The following MAGI1 variants were observed in gnomAD, a reference collection of about 807,000 sequenced individuals.
The protein encoded by MAGI1 is membrane-associated guanylate kinase, WW and PDZ domain-containing protein 1.
In MAGI1, 58 loss-of-function variants were observed where a neutral mutation model predicts 139.9. The observed-to-expected ratio is 0.41, with a 90% CI of 0.34 to 0.52. The LOEUF is 0.52. Among genes scored for constraint, MAGI1 ranks in the 20% least tolerant of loss-of-function variants. The probability of loss-of-function intolerance (pLI) is 0.12; values close to 1 mark genes in which losing one functional copy is unlikely to be tolerated. For synonymous variants in MAGI1, 812 were observed against 737.9 expected, an observed-to-expected ratio of 1.10 and a Z score of -1.63; for missense variants, 1,874 against 1,901.6, an observed-to-expected ratio of 0.99 and a Z score of 0.27.
chr3:65,563,399 C>T (rs2080461338), intron 2 of MAGI1, among the ~76,000 whole-genome samples: 1 of 152,098 alleles, frequency 6.6e-6, no homozygotes, highest in Non-Finnish European at 1.5e-5. Context: ...AGTTAGTCTC[C>T]CTCCCACATG....
At chr3:65,550,574 G>A (rs142523711) in intron 2 of MAGI1, among the ~76,000 whole-genome samples, 68 of 152,254 alleles carry the variant, frequency 4.5e-4, no homozygotes, top group Non-Finnish European at 8.7e-4. Flanking sequence ...TTAGTTTCAG[G>A]TGGACCACAG....
chr3:65,915,062 A>C (rs1048377942), intron 1 of MAGI1, among the ~76,000 whole-genome samples: 1 of 152,226 alleles, frequency 6.6e-6, no homozygotes, highest in Non-Finnish European at 1.5e-5. Context: ...CAACTCATTC[A>C]AGGACAAAGT....
chr3:65,840,248 T>C (rs1386226238), intron 1 of MAGI1, among the ~76,000 whole-genome samples: 2 of 152,262 alleles, frequency 1.3e-5, no homozygotes, highest in Middle Eastern at 3.4e-3. Flanking sequence ...GTATGTTTTT[T>C]ATTTCCTTGT....
At position 65,356,273 on chromosome 3, in the gene MAGI1, T is replaced by C. The variant is rs1439817227; in HGVS notation, c.*105A>G. 1.7e-5 allele frequency: 19 copies of C among 1,089,678 alleles called. No homozygotes were observed. The highest frequency in any genetic ancestry group is 2.0e-5 in the Non-Finnish European group (16 of 781,546). 67.5% of individuals were successfully genotyped at this position (1,089,678 alleles called of 1,614,324 possible). On this transcript the variant is annotated 3_prime_UTR_variant, in exon 23 of 23. Coordinates refer to ENST00000402939, the MANE Select transcript of MAGI1 (RefSeq NM_001033057.2). ...ATGTTTGTTGTTATTCATAGGATCATCAGGTGTCAGATGCTTCATTAGGTA... is the reference window on the plus strand; with the variant it reads ...ATGTTTGTTGTTATTCATAGGATCACCAGGTGTCAGATGCTTCATTAGGTA...
chr3:65,693,777 G>A (rs892113860), intron 1 of MAGI1, among the ~76,000 whole-genome samples: 4 of 152,104 alleles, frequency 2.6e-5, no homozygotes, highest in African/African-American at 9.7e-5. Context: ...AGGCTGGAGT[G>A]CAGTGGCACG....
chr3:65,365,564 T>C (rs1392645455), intron 18 of MAGI1, among the ~76,000 whole-genome samples: 1 of 152,222 alleles, frequency 6.6e-6, no homozygotes, highest in Non-Finnish European at 1.5e-5. Context: ...ATATGTTCTT[T>C]ACTAATAATT....
chr3:65,700,441 C>T (rs2089516078), intron 1 of MAGI1, among the ~76,000 whole-genome samples: 1 of 151,214 alleles, frequency 6.6e-6, no homozygotes, highest in Non-Finnish European at 1.5e-5. Flanking sequence ...CAGAGCGAGA[C>T]TCCATCTCAA....
At chr3:65,737,784 T>C (rs1204165199) in intron 1 of MAGI1, among the ~76,000 whole-genome samples, 3 of 152,108 alleles carry the variant, frequency 2.0e-5, no homozygotes, top group African/African-American at 7.2e-5. Context: ...TTTATCAACA[T>C]TACTCTACCC....
In MAGI1 at chr3:65,782,409, G is replaced by A. The variant is rs79593208; in HGVS notation, c.314-160321C>T. On this transcript the variant is annotated intron_variant, in intron 1 of 22. Coordinates refer to ENST00000402939, the MANE Select transcript of MAGI1 (RefSeq NM_001033057.2). ...AGCCTTAGGAAGGGAACACAGCCCT[G>A]TGACAACTTGGTTTTAGCCCAGCAT... 5.3e-4 allele frequency among the ~76,000 whole-genome samples: 81 copies of A among 152,188 alleles called. 1 individual carries two copies. The East Asian group carries it at 0.012, about 22-fold the overall frequency.
At chr3:65,819,027 T>G (rs2041782243) in intron 1 of MAGI1, among the ~76,000 whole-genome samples, 1 of 135,640 alleles carries the variant, frequency 7.4e-6, no homozygotes, top group African/African-American at 3.0e-5. Flanking sequence ...GGCTCATGCT[T>G]TGTAATCCCA....
chr3:65,440,909 T>TATATACACACACACAC (rs1948274013), intron 8 of MAGI1, among the ~76,000 whole-genome samples: 1 of 150,118 alleles, frequency 6.7e-6, no homozygotes, highest in Non-Finnish European at 1.5e-5. Context: ...TGTGTGTATA[T>TATATACACACACACAC]ATATATACAC....
intron 1 of MAGI1, among the ~76,000 whole-genome samples, chr3:65,724,163 GTGTT>G (rs2033360874): frequency 6.6e-6 from 1 of 152,210 alleles, no homozygotes; most frequent in Non-Finnish European, 1.5e-5. Flanking sequence ...AAAAGCACAT[GTGTT>G]TGTTTGTATA....
chr3:65,996,525 A>G (rs899764422), intron 1 of MAGI1, among the ~76,000 whole-genome samples: 20 of 128,956 alleles, frequency 1.6e-4, no homozygotes, highest in African/African-American at 5.5e-4. Flanking sequence ...AGTGATAACT[A>G]TAAATGAAAA....
intron 1 of MAGI1, among the ~76,000 whole-genome samples, chr3:65,805,941 G>C (rs1247960879): frequency 1.3e-5 from 2 of 152,086 alleles, no homozygotes; most frequent in Non-Finnish European, 2.9e-5. Flanking sequence ...CTGTCAGGTG[G>C]GGGACAGGGG....
At chr3:65,907,235 G>A (rs1260135209) in intron 1 of MAGI1, among the ~76,000 whole-genome samples, 3 of 152,176 alleles carry the variant, frequency 2.0e-5, no homozygotes, top group African/African-American at 7.2e-5. Context: ...ATGATGCATA[G>A]TATTATTGAA....
chr3:65,946,992 T>C (rs2063573626), intron 1 of MAGI1, among the ~76,000 whole-genome samples: 1 of 152,202 alleles, frequency 6.6e-6, no homozygotes, highest in African/African-American at 2.4e-5. Context: ...CCTCAGTATT[T>C]TATATGAATT....
intron 10 of MAGI1, 105 bp from the exon 11 acceptor site, chr3:65,430,986 G>C (rs1947410398): frequency 9.6e-7 from 1 of 1,039,812 alleles, no homozygotes; most frequent in Non-Finnish European, 1.4e-6. Flanking sequence ...TTATGCCCTA[G>C]AGCCTTTGGG....
At chr3:65,506,853 C>T (rs1048601199) in intron 2 of MAGI1, among the ~76,000 whole-genome samples, 14 of 152,036 alleles carry the variant, frequency 9.2e-5, no homozygotes, top group African/African-American at 3.4e-4. Flanking sequence ...TAAAACAAAG[C>T]AATTACAATA....
chr3:65,778,534 G>C (rs531853796), intron 1 of MAGI1, among the ~76,000 whole-genome samples: 4 of 151,988 alleles, frequency 2.6e-5, no homozygotes, highest in Admixed American at 2.6e-4. Flanking sequence ...GCCCCATATA[G>C]TGCCCTTTAC....
Sources: gnomAD v4.1 joint callset for allele counts (sites outside exome capture counted in the v4.1 genomes callset) on GRCh38, gnomAD v4.1.1 for gene constraint, MANE v1.5 for transcripts, NCBI Gene and HGNC (gene_info 2026-07-23, HGNC 2026-07-21) for gene names.